Variants in PIGF observed in about 807,000 individuals in gnomAD.
PIGF encodes the protein GPI ethanolamine phosphate transferase, stabilizing subunit.
Under a neutral mutation model 26.0 loss-of-function variants are expected in PIGF, and 23 were observed. That is an observed-to-expected ratio of 0.88 (90% confidence interval 0.64 to 1.25). PIGF has a LOEUF of 1.25. Among genes scored for constraint, PIGF ranks in the 50% most tolerant of loss-of-function variants. The probability of loss-of-function intolerance (pLI) is 0.00; values close to 1 mark genes in which losing one functional copy is unlikely to be tolerated. For synonymous variants in PIGF, 93 were observed against 92.6 expected, an observed-to-expected ratio of 1.00 and a Z score of -0.03; for missense variants, 278 against 249.9, an observed-to-expected ratio of 1.11 and a Z score of -0.76.
intron 4 of PIGF, among the ~76,000 whole-genome samples, chr2:46,593,119 A>G (rs967543404): frequency 2.0e-5 from 3 of 147,286 alleles, no homozygotes; most frequent in African/African-American, 7.5e-5. Context: ...TGCATCATTT[A>G]TTCAACCAGT....
chr2:46,615,586 T>C lies in PIGF; in HGVS notation c.-21-401A>G, dbSNP rs143960931. The stretch of plus-strand genomic sequence containing the variant: ...TATAACCAAAGTTTATTTATGCGGT[T>C]TCTAGAATGCATAGGTTATAATTCC... On this transcript the variant is annotated intron_variant, in intron 1 of 5. Coordinates refer to ENST00000281382, the MANE Select transcript of PIGF (RefSeq NM_002643.4). The C allele has an allele frequency of 2.8e-3, 463 of 163,350 alleles. 2 individuals are homozygous for C. The highest frequency in any genetic ancestry group is 0.01 in the African/African-American group (417 of 41,640). The allele number at this position is 163,350 out of a possible 1,614,324, so 10.1% of individuals were successfully genotyped here.
rs1356277025 is a variant in PIGF at position 46,589,633 on chromosome 2, T to C, written c.546+2842A>G. ...TTACCACAAGCAGATCAAATCGGTA[T>C]TGGGCTACAAGGAACACAGAACAAG... is the stretch of plus-strand genomic sequence containing the variant. On this transcript the variant is annotated intron_variant, in intron 5 of 5. Transcript: ENST00000281382. This position sits in a 1 kb window ranked among gnomAD's most constrained non-coding sequence, Gnocchi z 4.7. 1.3e-5 allele frequency among the ~76,000 whole-genome samples: 2 copies of C among 151,936 alleles called. No individual in the cohort carries two copies. The highest frequency in any genetic ancestry group is 1.9e-4 in the East Asian group (1 of 5,196).
chr2:46,607,304 T>C (rs1316319004), intron 4 of PIGF, among the ~76,000 whole-genome samples: 1 of 152,210 alleles, frequency 6.6e-6, no homozygotes, highest in Non-Finnish European at 1.5e-5. Context: ...TCATGTCTAT[T>C]TCCAGAAGCA....
chr2:46,612,958 C>G (rs1311621431), intron 3 of PIGF, among the ~76,000 whole-genome samples: 1 of 152,034 alleles, frequency 6.6e-6, no homozygotes, highest in Non-Finnish European at 1.5e-5. Context: ...CAGGAACCAC[C>G]ATTTTCCATT....
intron 4 of PIGF, among the ~76,000 whole-genome samples, chr2:46,611,599 T>C (rs779908575): frequency 2.6e-5 from 4 of 151,982 alleles, no homozygotes; most frequent in Admixed American, 2.0e-4. Context: ...GGGTGATAAA[T>C]AGGAAAGAAT....
In PIGF at chr2:46,614,927, T is replaced by C; in HGVS notation, c.228+10A>G. The C allele has an allele frequency of 8.0e-7, 1 of 1,256,946 alleles. No individual in the cohort carries two copies. The highest frequency in any genetic ancestry group is 1.2e-6 in the Non-Finnish European group (1 of 856,240). 77.9% of individuals were successfully genotyped at this position (1,256,946 alleles called of 1,614,324 possible). ...CATCCAAAAATCAGTTATTGAGACA[T>C]AAGCCTTACCTTGTGTGATAATGAA... On this transcript the variant is annotated intron_variant, in intron 2 of 5. Transcript: ENST00000281382.
chr2:46,591,604 C>G, intron 5 of PIGF: 1 of 950,312 alleles, frequency 1.1e-6, no homozygotes, highest in Non-Finnish European at 1.3e-6. Flanking sequence ...TTTATTATCA[C>G]AAAATACTGG....
chr2:46,614,806 TG>T lies in PIGF; in HGVS notation c.228+130del, dbSNP rs1246380726. 3 of 583,092 alleles carry T rather than the reference TG, an allele frequency of 5.1e-6. No homozygotes were observed. The African/African-American group carries it at 5.6e-5, about 11-fold the overall frequency. The allele number at this position is 583,092 out of a possible 1,614,324, so 36.1% of individuals were successfully genotyped here. A position where few individuals can be genotyped will look rare whatever the true frequency, so the allele number is the denominator to read the frequency against. Reference sequence around the variant, plus strand: ...TCCACCAAGTAACAGCCTACCAATTTGGGGGGAAAAATATCAGGTTCCCTTT... The same window carrying T: ...TCCACCAAGTAACAGCCTACCAATTTGGGGGAAAAATATCAGGTTCCCTTT... On this transcript the variant is annotated intron_variant, in intron 2 of 5. Transcript: ENST00000281382.
In PIGF at chr2:46,616,992, G is replaced by A. The variant is rs1670663299; in HGVS notation, c.-44C>T. On this transcript the variant is annotated 5_prime_UTR_variant, in exon 1 of 6. Coordinates refer to ENST00000281382, the MANE Select transcript of PIGF (RefSeq NM_002643.4). ...TACCTAACTCTCCCTCCCGCGGAAG[G>A]GAAGCGGGGAACTACTGCCTCCTAC... is the stretch of plus-strand genomic sequence containing the variant. 1 of 550,216 alleles carries A rather than the reference G, an allele frequency of 1.8e-6. No individual in the cohort carries two copies. The highest frequency in any genetic ancestry group is 3.2e-6 in the Non-Finnish European group (1 of 308,996). The allele number at this position is 550,216 out of a possible 1,614,324, so 34.1% of individuals were successfully genotyped here. A position where few individuals can be genotyped will look rare whatever the true frequency, so the allele number is the denominator to read the frequency against.
At chr2:46,591,366 T>C (rs1418586662) in intron 5 of PIGF, 2 of 208,334 alleles carry the variant, frequency 9.6e-6, no homozygotes, top group African/African-American at 2.4e-5. Flanking sequence ...CTCTGGGTGG[T>C]TGGGGAGGAA....
At chr2:46,607,952 C>A (rs1009907265) in intron 4 of PIGF, among the ~76,000 whole-genome samples, 1 of 152,202 alleles carries the variant, frequency 6.6e-6, no homozygotes, top group South Asian at 2.1e-4. Flanking sequence ...CCTGTCTCAG[C>A]CTCCCAAAGT....
intron 4 of PIGF, among the ~76,000 whole-genome samples, chr2:46,594,311 G>A (rs762971869): frequency 5.9e-5 from 9 of 152,198 alleles, no homozygotes; most frequent in African/African-American, 2.4e-5. Flanking sequence ...ATAAGGTGTG[G>A]TAGAGGTTGA....
Position 46,615,131 on chromosome 2 carries a change from T to C in PIGF, c.34A>G (p.Thr12Ala). The C allele has an allele frequency of 1.3e-6, 2 of 1,554,658 alleles. No individual in the cohort carries two copies. The highest frequency in any genetic ancestry group is 1.8e-6 in the Non-Finnish European group (2 of 1,125,942). Residue 12 changes from threonine (T) to alanine (A), a missense_variant, in exon 2 of 6, where the codon ACC (threonine) becomes GCC (alanine). Physicochemically the swap from Thr to Ala is moderately conservative, Grantham distance 58 (BLOSUM62 0). Transcript: ENST00000281382. ...ATTGAAAATATGCATAAAAGATGGG[T>C]ATACAGTAGTCTCTTGATATCGTTA... is the stretch of plus-strand genomic sequence containing the variant. ...KDNDIKRLLY[T>A]HLLCIFSIIL...
chr2:46,608,862 C>T (rs767696326), intron 4 of PIGF, among the ~76,000 whole-genome samples: 7 of 152,082 alleles, frequency 4.6e-5, no homozygotes, highest in Admixed American at 1.3e-4. Flanking sequence ...ATCCAGACTT[C>T]GTTGTTCCAT....
Position 46,598,529 on chromosome 2 carries a change from A to ATTTTTTTTTTT in PIGF, c.438-5957_438-5947dup, listed in dbSNP as rs747263045. ...ATAAACTTTCTTAAAACATTATGAG[A>ATTTTTTTTTTT]TTTTTTTTTTTTTTTTTTTTTTTTA... On this transcript the variant is annotated intron_variant, in intron 4 of 5. Transcript: ENST00000281382. 2.0e-3 allele frequency among the ~76,000 whole-genome samples: 212 copies of ATTTTTTTTTTT among 103,504 alleles called. 25 individuals are homozygous for ATTTTTTTTTTT. Among genetic ancestry groups the ATTTTTTTTTTT allele is most frequent in the African/African-American group, 8.2e-3 (184 of 22,398 alleles). The allele number at this position is 103,504 out of a possible 152,430, so 67.9% of individuals were successfully genotyped here. A position where few individuals can be genotyped will look rare whatever the true frequency, so the allele number is the denominator to read the frequency against.
In PIGF at chr2:46,581,027, C is replaced by T; in HGVS notation, c.*451G>A. 1 of 1,588,462 alleles carries T rather than the reference C, an allele frequency of 6.3e-7. No homozygotes were observed. Among genetic ancestry groups the T allele is most frequent in the Non-Finnish European group, 8.5e-7 (1 of 1,170,464 alleles). On this transcript the variant is annotated 3_prime_UTR_variant, in exon 6 of 6. Transcript: ENST00000281382. ...CATAGCCATTTTAACTCCAAAGAAA[C>T]ACACTGTAAAAAAAAGAATAGGATC...
At chr2:46,602,183 T>TATTC (rs1386628911) in intron 4 of PIGF, among the ~76,000 whole-genome samples, 2 of 151,960 alleles carry the variant, frequency 1.3e-5, no homozygotes, top group Non-Finnish European at 2.9e-5. Context: ...TTCTTTATAA[T>TATTC]AGTATTCTTT....
rs1670495692 is a variant in PIGF at position 46,613,568 on chromosome 2, T to C, written c.320+126A>G. 13 of 625,258 alleles carry C rather than the reference T, an allele frequency of 2.1e-5. No individual in the cohort carries two copies. The South Asian group carries it at 2.9e-4, about 14-fold the overall frequency. 38.7% of individuals were successfully genotyped at this position (625,258 alleles called of 1,614,324 possible). A position where few individuals can be genotyped will look rare whatever the true frequency, so the allele number is the denominator to read the frequency against. On this transcript the variant is annotated intron_variant, in intron 3 of 5. Transcript: ENST00000281382. Reference sequence around the variant, plus strand: ...AAAAAGAATAACACTGCTAATGATGTTGGTGTCCTTACTTGATCTATTAAT... The same window carrying C: ...AAAAAGAATAACACTGCTAATGATGCTGGTGTCCTTACTTGATCTATTAAT...
chr2:46,594,276 T>C (rs113827521), intron 4 of PIGF, among the ~76,000 whole-genome samples: 28 of 152,322 alleles, frequency 1.8e-4, no homozygotes, highest in African/African-American at 6.0e-4. Context: ...TATACTGTAA[T>C]ACATAAAGTG....
Sources: allele counts gnomAD v4.1 joint callset (sites outside exome capture counted in the v4.1 genomes callset), GRCh38; gene constraint gnomAD v4.1.1; non-coding constraint Gnocchi (gnomAD v3.1); transcripts MANE v1.5; gene names NCBI Gene and HGNC (gene_info 2026-07-23, HGNC 2026-07-21).